Variants in TRMT2B observed in about 807,000 individuals in gnomAD.
TRMT2B encodes tRNA (uracil-5-)-methyltransferase homolog B.
Under a neutral mutation model 39.7 loss-of-function variants are expected in TRMT2B, and 34 were observed. The observed-to-expected ratio is 0.86, with a 90% CI of 0.65 to 1.14. TRMT2B has a LOEUF of 1.14. Among genes scored for constraint, TRMT2B ranks in the 50% most tolerant of loss-of-function variants. TRMT2B has a pLI of 0.00. For synonymous variants in TRMT2B, 132 were observed against 137.3 expected (o/e 0.96, Z 0.27); for missense variants, 318 against 377.2 (o/e 0.84, Z 1.30).
chrX:101,018,107 G>A (rs1324484821), intron 13 of TRMT2B, among the ~76,000 whole-genome samples: 2 of 110,649 alleles, frequency 1.8e-5, no homozygotes, highest in Admixed American at 9.8e-5. Context: ...TTGGTAGGCC[G>A]ATGCAGGAGG....
chrX:100,987,586 A>G, the TRMT2B span: 40 of 1,198,673 alleles, frequency 3.3e-5, no homozygotes, highest in South Asian at 6.3e-4. Flanking sequence ...AGATTTGCTG[A>G]TAAGAAAAGC....
At chrX:101,013,439 T>C (rs991627689) in intron 13 of TRMT2B, among the ~76,000 whole-genome samples, 4 of 110,872 alleles carry the variant, frequency 3.6e-5, no homozygotes, top group East Asian at 2.8e-4. Flanking sequence ...GTATACCAGA[T>C]TGGCAATAAC....
At chrX:100,974,111 T>C in the TRMT2B span, 1 of 1,170,023 alleles carries the variant, frequency 8.5e-7, no homozygotes, top group Non-Finnish European at 1.2e-6. Flanking sequence ...GGCTCATTTT[T>C]CTTTTTCATT....
chrX:101,050,746 A>AAAATAAG (rs2148089495), intron 2 of TRMT2B, among the ~76,000 whole-genome samples: 1 of 98,573 alleles, frequency 1.0e-5, no homozygotes, highest in Non-Finnish European at 2.0e-5. Context: ...TAAAAAATAA[A>AAAATAAG]AAATAAATGC....
chrX:100,986,652 G>T, the TRMT2B span: 2 of 415,411 alleles, frequency 4.8e-6, no homozygotes, highest in Non-Finnish European at 8.5e-6. Context: ...ATCTCATTAG[G>T]TATGTCTTTA....
At chrX:100,973,472 G>A in the TRMT2B span, among the ~76,000 whole-genome samples, 345 of 108,901 alleles carry the variant, frequency 3.2e-3, 2 homozygotes, top group African/African-American at 0.011. Context: ...TCCGCTGCCC[G>A]CTGAACTCCA....
the TRMT2B span, among the ~76,000 whole-genome samples, chrX:100,991,413 C>G: frequency 1.2e-3 from 117 of 100,092 alleles, no homozygotes; most frequent in African/African-American, 3.9e-3. Flanking sequence ...CAGAGTCTCA[C>G]TGTCTCCCAG....
chrX:101,027,060 G>A (rs1448584836), intron 7 of TRMT2B, among the ~76,000 whole-genome samples: 3 of 110,400 alleles, frequency 2.7e-5, no homozygotes, highest in African/African-American at 6.6e-5. Flanking sequence ...CCACTACTCC[G>A]CGAAAACAGT....
chrX:100,991,809 CA>C, the TRMT2B span, among the ~76,000 whole-genome samples: 1 of 111,420 alleles, frequency 9.0e-6, no homozygotes, highest in Non-Finnish European at 1.9e-5. Context: ...CCACTGCCTA[CA>C]AAAAGCAGAG....
At chrX:101,012,223 C>T (rs972163672) in intron 13 of TRMT2B, among the ~76,000 whole-genome samples, 1 of 110,473 alleles carries the variant, frequency 9.1e-6, no homozygotes, top group Non-Finnish European at 1.9e-5. Flanking sequence ...TTTACACCAG[C>T]ATGACCACAA....
At chrX:101,019,428 A>G (rs1394143597) in intron 11 of TRMT2B, 25 bp from the exon 12 acceptor site, 2 of 1,209,598 alleles carry the variant, frequency 1.7e-6, no homozygotes, top group Middle Eastern at 2.3e-4. Context: ...CCCACAGGAC[A>G]TAACTCAAGC....
intron 2 of TRMT2B, among the ~76,000 whole-genome samples, chrX:101,045,751 T>A (rs978482457): frequency 4.5e-5 from 5 of 109,899 alleles, no homozygotes; most frequent in African/African-American, 1.3e-4. Context: ...TGAGCCTAGA[T>A]AACACCACTG....
the TRMT2B span, among the ~76,000 whole-genome samples, chrX:100,987,147 C>T: frequency 7.1e-5 from 8 of 112,151 alleles, no homozygotes; most frequent in Non-Finnish European, 1.5e-4. Context: ...AGAGACTCTA[C>T]GTGACTTGCT....
At chrX:101,023,419 A>C (rs1323953496) in intron 8 of TRMT2B, 51 bp downstream of exon 8, 14 of 1,162,056 alleles carry the variant, frequency 1.2e-5, no homozygotes, top group Non-Finnish European at 1.6e-5. Flanking sequence ...AATTACAGTT[A>C]TAGTTAGTAG....
intron 6 of TRMT2B, among the ~76,000 whole-genome samples, chrX:101,036,162 T>A (rs2087820788): frequency 9.0e-6 from 1 of 111,691 alleles, no homozygotes; most frequent in South Asian, 3.7e-4. Flanking sequence ...AGCTCAGGAA[T>A]GGGCCAAGCA....
chrX:101,030,250 T>C (rs1195838676), intron 7 of TRMT2B, among the ~76,000 whole-genome samples: 2 of 109,949 alleles, frequency 1.8e-5, no homozygotes, highest in Non-Finnish European at 3.8e-5. Flanking sequence ...GGCGACAGAG[T>C]GAGACTTTGT....
In TRMT2B at chrX:101,025,671, T is replaced by C. The variant is rs181065742; in HGVS notation, c.610-2055A>G. Among the ~76,000 whole-genome samples the C allele has an allele frequency of 7.3e-4, 82 of 111,995 alleles. No individual in the cohort carries two copies. The East Asian group carries it at 8.4e-3, about 11-fold the overall frequency. Reference sequence around the variant, plus strand: ...TAAGGTTGGTGATTTAAAGAAAGCCTAGTTCCACTGGGCGTGATCCCTCCC... The same window carrying C: ...TAAGGTTGGTGATTTAAAGAAAGCCCAGTTCCACTGGGCGTGATCCCTCCC... On this transcript the variant is annotated intron_variant, in intron 7 of 13. Transcript: ENST00000372936.
the TRMT2B span, among the ~76,000 whole-genome samples, chrX:101,002,815 AGACCGATTGACAGAATTAG>A: frequency 9.0e-5 from 10 of 110,991 alleles, no homozygotes; most frequent in Admixed American, 2.9e-4. Flanking sequence ...TAATAAACAC[AGACCGATTGACAGAATTAG>A]GAAATCATGG....
At chrX:101,031,949 G>A in intron 7 of TRMT2B, among the ~76,000 whole-genome samples, 1 of 110,748 alleles carries the variant, frequency 9.0e-6, no homozygotes. Context: ...GATAACAGAA[G>A]CAATCCATAA....
Sources: gnomAD v4.1 joint callset for allele counts (sites outside exome capture counted in the v4.1 genomes callset) on GRCh38, gnomAD v4.1.1 for gene constraint, MANE v1.5 for transcripts, NCBI Gene and HGNC (gene_info 2026-07-23, HGNC 2026-07-21) for gene names.